Variants in EYA2 observed in about 807,000 individuals in gnomAD.
The protein encoded by EYA2 is EYA transcriptional coactivator and phosphatase 2.
EYA2 carries 31 observed loss-of-function variants against 69.2 expected under a neutral mutation model. The observed-to-expected ratio is 0.45, with a 90% CI of 0.34 to 0.60. EYA2 has a LOEUF of 0.60. EYA2 is among the 20% of genes least tolerant of loss of function. EYA2 has a pLI of 0.02. For missense variants in EYA2, 622 were observed against 701.2 expected, an observed-to-expected ratio of 0.89 and a Z score of 1.28; for synonymous variants, 257 against 279.4, an observed-to-expected ratio of 0.92 and a Z score of 0.80.
rs541346582 is a variant in EYA2, at chr20:47,088,229, G to A, written c.662-1010G>A. Among the ~76,000 whole-genome samples, 6 of 152,256 alleles carry A rather than the reference G, an allele frequency of 3.9e-5. No individual in the cohort carries two copies. In the South Asian group the frequency reaches 6.2e-4, roughly 16 times the overall value. ...AGCCTGAGCAACAGAGCGAGACTCC[G>A]TCTCAAAAAATAAAAATTAAAATAA... On this transcript the variant is annotated intron_variant, in intron 7 of 15. Coordinates refer to ENST00000327619, the MANE Select transcript of EYA2 (RefSeq NM_005244.5).
At position 46,965,752 on chromosome 20, in the gene EYA2, G is replaced by A. The variant is rs147744225; in HGVS notation, c.-10-24249G>A. Among the ~76,000 whole-genome samples the A allele has an allele frequency of 2.8e-3, 423 of 152,344 alleles. 1 individual carries two copies. Among genetic ancestry groups the A allele is most frequent in the African/African-American group, 9.6e-3 (401 of 41,572 alleles). ...CGCAGCCTTGCTTGCCTTGGCTCCC[G>A]TCCGCCGGGCTGTTCCCTGCACGTA... On this transcript the variant is annotated intron_variant, in intron 1 of 15. Coordinates refer to ENST00000327619, the MANE Select transcript of EYA2 (RefSeq NM_005244.5).
chr20:46,905,055 CA>C (rs1568660407), intron 1 of EYA2, among the ~76,000 whole-genome samples: 2 of 152,066 alleles, frequency 1.3e-5, no homozygotes, highest in Non-Finnish European at 2.9e-5. Flanking sequence ...TTAAAGTATA[CA>C]GGTATGCCTC....
intron 5 of EYA2, among the ~76,000 whole-genome samples, chr20:47,065,951 A>T (rs1351550628): frequency 1.3e-5 from 2 of 152,240 alleles, no homozygotes. Context: ...AGTGTCTGCC[A>T]CACGGTGATA....
rs138356203 is a variant in EYA2, at chr20:47,166,922, G to T, written c.979-2217G>T. ...CCTGCACCCTGAACCAGTACCGCAG[G>T]GGCTGGCACCCCCGCACATTTTTTG... On this transcript the variant is annotated intron_variant, in intron 10 of 15. Transcript: ENST00000327619. 1.1e-3 allele frequency: 161 copies of T among 153,258 alleles called. 1 individual carries two copies. The highest frequency in any genetic ancestry group is 3.3e-3 in the African/African-American group (137 of 41,528). 9.5% of individuals were successfully genotyped at this position (153,258 alleles called of 1,614,324 possible). A position where few individuals can be genotyped will look rare whatever the true frequency, so the allele number is the denominator to read the frequency against.
At chr20:47,116,333 A>T (rs2032891818) in intron 9 of EYA2, among the ~76,000 whole-genome samples, 1 of 151,678 alleles carries the variant, frequency 6.6e-6, no homozygotes, top group Non-Finnish European at 1.5e-5. Flanking sequence ...GCCTGCCAAT[A>T]CGCCTAGCTA....
At chr20:47,002,517 C>T (rs575577617) in intron 3 of EYA2, among the ~76,000 whole-genome samples, 1 of 152,298 alleles carries the variant, frequency 6.6e-6, no homozygotes, top group East Asian at 1.9e-4. Context: ...TCATCTGTAT[C>T]CCTGCAAAGG....
intron 10 of EYA2, among the ~76,000 whole-genome samples, chr20:47,167,615 T>C (rs3091569): frequency 0.59 from 90,157 of 151,754 alleles, 27,670 homozygotes; most frequent in African/African-American, 0.75. Flanking sequence ...AGTTTTTCTT[T>C]CAGTGGCCAC....
At chr20:47,000,181 A>T (rs1982274242) in intron 2 of EYA2, among the ~76,000 whole-genome samples, 1 of 152,228 alleles carries the variant, frequency 6.6e-6, no homozygotes, top group Non-Finnish European at 1.5e-5. Context: ...GGATTAAAAT[A>T]ATTAATCCAG....
At chr20:47,184,413 CTTT>C (rs36118012) in intron 15 of EYA2, among the ~76,000 whole-genome samples, 3,462 of 117,838 alleles carry the variant, frequency 0.029, 170 homozygotes, top group African/African-American at 0.11. Context: ...CATTGCATCC[CTTT>C]TTTTTTTTTT....
intron 1 of EYA2, among the ~76,000 whole-genome samples, chr20:46,907,616 A>C (rs1474212965): frequency 6.6e-6 from 1 of 152,210 alleles, no homozygotes; most frequent in Non-Finnish European, 1.5e-5. Flanking sequence ...AGGCAGGCGG[A>C]TTGCGTGAAG....
At chr20:46,978,427 T>G in intron 1 of EYA2, 1 of 378,788 alleles carries the variant, frequency 2.6e-6, no homozygotes, top group Non-Finnish European at 5.4e-6. Flanking sequence ...CTGAGGCCTC[T>G]GCAGGGTGAG....
intron 5 of EYA2, among the ~76,000 whole-genome samples, chr20:47,030,697 A>G (rs1169616971): frequency 2.0e-5 from 3 of 152,076 alleles, no homozygotes; most frequent in Admixed American, 1.3e-4. Flanking sequence ...GCTTGCTTGT[A>G]TATGCTCGCT....
chr20:47,125,884 G>GT (rs3838024), intron 9 of EYA2, among the ~76,000 whole-genome samples: 26,829 of 151,318 alleles, frequency 0.18, 2,386 homozygotes, highest in Middle Eastern at 0.24. Context: ...GTTTGTGTGT[G>GT]TTTTTTTTTC....
At chr20:47,117,201 C>CG (rs1436978601) in intron 9 of EYA2, among the ~76,000 whole-genome samples, 1 of 152,016 alleles carries the variant, frequency 6.6e-6, no homozygotes, top group Non-Finnish European at 1.5e-5. Context: ...TTAGTAAAGA[C>CG]GGGGTTTCAC....
intron 1 of EYA2, among the ~76,000 whole-genome samples, chr20:46,906,447 T>C (rs1401446975): frequency 6.6e-6 from 1 of 152,202 alleles, no homozygotes; most frequent in Non-Finnish European, 1.5e-5. Context: ...CTCGGGGACA[T>C]TGGTAAAGTC....
chr20:46,937,583 A>G (rs1012748410), intron 1 of EYA2, among the ~76,000 whole-genome samples: 3 of 151,414 alleles, frequency 2.0e-5, no homozygotes, highest in African/African-American at 4.9e-5. Flanking sequence ...ACAGAAACCT[A>G]TAATTGTCTG....
At chr20:47,094,340 ACT>A (rs2032183127) in intron 8 of EYA2, among the ~76,000 whole-genome samples, 1 of 152,212 alleles carries the variant, frequency 6.6e-6, no homozygotes, top group Non-Finnish European at 1.5e-5. Context: ...CTTCTCAAAC[ACT>A]GATTTTCAAA....
At chr20:46,897,638 C>T (rs1005671962) in intron 1 of EYA2, among the ~76,000 whole-genome samples, 2 of 152,096 alleles carry the variant, frequency 1.3e-5, no homozygotes, top group Non-Finnish European at 2.9e-5. Flanking sequence ...ATAATAAAAT[C>T]GCAGGCCGTA....
At chr20:46,922,098 G>A (rs956815215) in intron 1 of EYA2, among the ~76,000 whole-genome samples, 10 of 152,216 alleles carry the variant, frequency 6.6e-5, no homozygotes, top group African/African-American at 2.4e-4. Flanking sequence ...TGGAACCTGC[G>A]TTTCCTAACA....
Sources: allele counts gnomAD v4.1 joint callset (sites outside exome capture counted in the v4.1 genomes callset), GRCh38; gene constraint gnomAD v4.1.1; transcripts MANE v1.5; gene names NCBI Gene and HGNC (gene_info 2026-07-23, HGNC 2026-07-21).